Variants in PTPRK observed in about 807,000 individuals in gnomAD.
PTPRK encodes the protein receptor-type tyrosine-protein phosphatase kappa.
A neutral mutation model predicts 178.0 loss-of-function variants in PTPRK; 75 were observed. The ratio of observed to expected loss-of-function variants is 0.42; its 90% CI spans 0.35 to 0.51. The LOEUF is 0.51. Ranked by LOEUF, PTPRK falls within the 20% of genes least tolerant of loss-of-function variation. The pLI, the probability that PTPRK is intolerant of heterozygous loss-of-function variation, is 0.02. For synonymous variants in PTPRK, 637 were observed against 620.6 expected (o/e 1.03, Z -0.39); for missense variants, 1,441 against 1,797.8 (o/e 0.80, Z 3.59).
chr6:128,086,568 A>T (rs1785871908), intron 8 of PTPRK, among the ~76,000 whole-genome samples: 1 of 152,154 alleles, frequency 6.6e-6, no homozygotes, highest in Non-Finnish European at 1.5e-5. Context: ...CTGATAATTT[A>T]TTCTTTTTCT....
At position 128,454,071 on chromosome 6, in the gene PTPRK, G is replaced by A. The variant is rs527537488; in HGVS notation, c.101-56383C>T. Among the ~76,000 whole-genome samples, 58 of 152,186 alleles carry A rather than the reference G, an allele frequency of 3.8e-4. 1 individual carries two copies. The South Asian group carries it at 0.011, about 28-fold the overall frequency. On this transcript the variant is annotated intron_variant, in intron 1 of 29. Transcript: ENST00000368226. ...CTTAATGGAATAAAGCAACAGCAAC[G>A]GTCTTCAGCGAAGGGCAAAACCTTT... is the stretch of plus-strand genomic sequence containing the variant.
At chr6:128,276,928 C>T (rs1820808351) in intron 3 of PTPRK, among the ~76,000 whole-genome samples, 1 of 151,984 alleles carries the variant, frequency 6.6e-6, no homozygotes, top group Admixed American at 6.6e-5. Flanking sequence ...ATATACTCTT[C>T]CAAAAATTGA....
rs148052726 is a variant in PTPRK, at chr6:128,147,698, T to G, written c.1162+36734A>C. Among the ~76,000 whole-genome samples the G allele has an allele frequency of 9.0e-4, 137 of 152,170 alleles. 1 individual carries two copies. In the East Asian group the frequency reaches 0.011, roughly 12 times the overall value. On this transcript the variant is annotated intron_variant, in intron 7 of 29. Coordinates refer to ENST00000368226, the MANE Select transcript of PTPRK (RefSeq NM_002844.4). ...TTTAAAACTCTATCACACAAGTACATATGAGGATACCCTGGCTCAACAATA... is the reference window on the plus strand; with the variant it reads ...TTTAAAACTCTATCACACAAGTACAGATGAGGATACCCTGGCTCAACAATA...
rs1009511317 is a variant in PTPRK at position 128,454,185 on chromosome 6, G to A, written c.101-56497C>T. On this transcript the variant is annotated intron_variant, in intron 1 of 29. Coordinates refer to ENST00000368226, the MANE Select transcript of PTPRK (RefSeq NM_002844.4). The stretch of plus-strand genomic sequence containing the variant: ...TCTATGAACCACAAAAAGGGCCCTC[G>A]CCAGACACCAAATCTACTGGCACCT... 9.9e-5 allele frequency among the ~76,000 whole-genome samples: 15 copies of A among 152,158 alleles called. No homozygotes were observed. In the East Asian group the frequency reaches 1.4e-3, roughly 14 times the overall value.
At chr6:128,234,660 T>C (rs11968433) in intron 5 of PTPRK, among the ~76,000 whole-genome samples, 2 of 152,160 alleles carry the variant, frequency 1.3e-5, no homozygotes, top group African/African-American at 4.8e-5. Flanking sequence ...CAGCAGTTCA[T>C]TCTTTTATTG....
At chr6:128,206,713 C>T (rs929466984) in intron 6 of PTPRK, among the ~76,000 whole-genome samples, 1 of 152,000 alleles carries the variant, frequency 6.6e-6, no homozygotes, top group Non-Finnish European at 1.5e-5. Flanking sequence ...GATGTATTGC[C>T]AACTCATTTT....
chr6:128,441,613 C>T (rs1465301838), intron 1 of PTPRK, among the ~76,000 whole-genome samples: 2 of 152,120 alleles, frequency 1.3e-5, no homozygotes, highest in Non-Finnish European at 2.9e-5. Flanking sequence ...TAGAAAAAAG[C>T]TAATACACAT....
At chr6:128,263,911 G>A (rs969228669) in intron 3 of PTPRK, among the ~76,000 whole-genome samples, 7 of 152,140 alleles carry the variant, frequency 4.6e-5, no homozygotes, top group Admixed American at 1.3e-4. Flanking sequence ...GACCACCACC[G>A]TTGGAAAGGC....
At chr6:128,231,606 T>A (rs916393580) in intron 5 of PTPRK, among the ~76,000 whole-genome samples, 12 of 152,186 alleles carry the variant, frequency 7.9e-5, no homozygotes, top group African/African-American at 2.9e-4. Flanking sequence ...GAGGTTTAAG[T>A]TGGCGACAAG....
chr6:128,436,487 A>G (rs1229753032), intron 1 of PTPRK, among the ~76,000 whole-genome samples: 2 of 152,194 alleles, frequency 1.3e-5, no homozygotes, highest in East Asian at 3.8e-4. Context: ...TTTCTTTTCC[A>G]TGCTTTCAGT....
intron 1 of PTPRK, among the ~76,000 whole-genome samples, chr6:128,510,893 A>T (rs751174387): frequency 1.3e-5 from 2 of 151,966 alleles, no homozygotes; most frequent in Non-Finnish European, 2.9e-5. Flanking sequence ...TATATGATAC[A>T]TATATAGTAA....
rs138092603 is a variant in PTPRK, at chr6:128,485,799, A to G, written c.100+34460T>C. Reference sequence around the variant, plus strand: ...AGCTTCTGCTGGAAATATGTTATTAAGTAATAAATTAATAATGACCAGATA... The same window carrying G: ...AGCTTCTGCTGGAAATATGTTATTAGGTAATAAATTAATAATGACCAGATA... On this transcript the variant is annotated intron_variant, in intron 1 of 29. Coordinates refer to ENST00000368226, the MANE Select transcript of PTPRK (RefSeq NM_002844.4). Among the ~76,000 whole-genome samples, 625 of 152,362 alleles carry G rather than the reference A, an allele frequency of 4.1e-3. 2 individuals carry two copies. The highest frequency in any genetic ancestry group is 0.014 in the African/African-American group (580 of 41,588).
chr6:128,354,425 C>CG (rs1458676358), intron 2 of PTPRK, among the ~76,000 whole-genome samples: 3 of 151,302 alleles, frequency 2.0e-5, no homozygotes, highest in African/African-American at 7.3e-5. Context: ...TTAGTAGAGA[C>CG]GGGGTTTCAC....
intron 25 of PTPRK, among the ~76,000 whole-genome samples, chr6:127,977,553 A>G (rs769737159): frequency 1.3e-5 from 2 of 152,210 alleles, no homozygotes; most frequent in Non-Finnish European, 2.9e-5. Context: ...CAAATAAGAA[A>G]AACCACAAGT....
At position 128,264,820 on chromosome 6, in the gene PTPRK, G is replaced by T. The variant is rs572854131; in HGVS notation, c.496-22218C>A. 3.9e-5 allele frequency among the ~76,000 whole-genome samples: 6 copies of T among 152,196 alleles called. No homozygotes were observed. The South Asian group carries it at 1.0e-3, about 26-fold the overall frequency. On this transcript the variant is annotated intron_variant, in intron 3 of 29. Transcript: ENST00000368226. The stretch of plus-strand genomic sequence containing the variant: ...CATGGGAGATAATTGAATCATGGAG[G>T]CAGGTATTACCCATGCTGTTCTTGT...
chr6:128,160,636 A>G (rs1228131396), intron 7 of PTPRK, among the ~76,000 whole-genome samples: 3 of 151,650 alleles, frequency 2.0e-5, no homozygotes, highest in African/African-American at 7.2e-5. Context: ...TTGCTTTCCT[A>G]AATCTGTAAT....
intron 3 of PTPRK, among the ~76,000 whole-genome samples, chr6:128,283,353 G>C (rs1348513162): frequency 6.6e-6 from 1 of 152,188 alleles, no homozygotes; most frequent in Non-Finnish European, 1.5e-5. Context: ...AGGAGCAAAA[G>C]TGATTTAGGA....
At chr6:128,382,835 T>C (rs758265982) in intron 2 of PTPRK, among the ~76,000 whole-genome samples, 4 of 152,124 alleles carry the variant, frequency 2.6e-5, no homozygotes, top group South Asian at 4.1e-4. Flanking sequence ...TTCCTAAACA[T>C]AGATGTAGAG....
chr6:128,503,708 C>T (rs1419255096), intron 1 of PTPRK, among the ~76,000 whole-genome samples: 3 of 152,164 alleles, frequency 2.0e-5, no homozygotes, highest in Admixed American at 6.5e-5. Context: ...AGGTCTTGCT[C>T]TGTTGCCCAA....
Sources: allele counts gnomAD v4.1 joint callset (sites outside exome capture counted in the v4.1 genomes callset), GRCh38; gene constraint gnomAD v4.1.1; transcripts MANE v1.5; gene names NCBI Gene and HGNC (gene_info 2026-07-23, HGNC 2026-07-21).